The following SPECC1 variants were observed in gnomAD, a reference collection of about 807,000 sequenced individuals.
SPECC1 encodes the protein cytospin-B.
Under a neutral mutation model 104.1 loss-of-function variants are expected in SPECC1, and 62 were observed. The observed-to-expected ratio is 0.60, with a 90% confidence interval of 0.49 to 0.74. The LOEUF is 0.74. Ranked by LOEUF, SPECC1 falls within the 30% of genes least tolerant of loss-of-function variation. The pLI is 0.00. For synonymous variants in SPECC1, 513 were observed against 501.6 expected (o/e 1.02, Z -0.30); for missense variants, 1,306 against 1,310.5 (o/e 1.00, Z 0.05).
At chr17:20,032,070 C>G (rs966362238) in intron 1 of SPECC1, among the ~76,000 whole-genome samples, 1 of 152,096 alleles carries the variant, frequency 6.6e-6, no homozygotes, top group Admixed American at 6.5e-5. Flanking sequence ...TTGAGCACTT[C>G]AAATATGTTA....
intron 3 of SPECC1, among the ~76,000 whole-genome samples, chr17:20,153,219 A>G (rs1437950974): frequency 1.3e-5 from 2 of 152,236 alleles, no homozygotes; most frequent in African/African-American, 2.4e-5. Flanking sequence ...GAGGCCTGAA[A>G]CAATAGGGTG....
chr17:20,277,317 ACT>A (rs1232129683), intron 12 of SPECC1, among the ~76,000 whole-genome samples: 3 of 152,038 alleles, frequency 2.0e-5, no homozygotes, highest in Non-Finnish European at 4.4e-5. Context: ...ATAACTGGAA[ACT>A]CTCCAACCTA....
Position 20,247,390 on chromosome 17 carries a change from A to C in SPECC1, c.2598+71A>C, listed in dbSNP as rs1598080277. 3 of 1,095,100 alleles carry C rather than the reference A, an allele frequency of 2.7e-6. No homozygotes were observed. In the East Asian group the frequency reaches 7.3e-5, roughly 26 times the overall value. The allele number at this position is 1,095,100 out of a possible 1,614,324, so 67.8% of individuals were successfully genotyped here. ...TCCCTCTAGATGTTTTTCTTTACAC[A>C]TATTAGTGTCCGTGTGTGTATGTGT... On this transcript the variant is annotated intron_variant, in intron 9 of 14. Transcript: ENST00000395527.
chr17:20,134,663 C>T (rs2049832812), intron 3 of SPECC1, among the ~76,000 whole-genome samples: 1 of 152,146 alleles, frequency 6.6e-6, no homozygotes, highest in African/African-American at 2.4e-5. Flanking sequence ...GTTGCCCAGG[C>T]TAGTCTCCAA....
At chr17:20,304,705 A>G (rs2041705938) in intron 13 of SPECC1, among the ~76,000 whole-genome samples, 1 of 152,076 alleles carries the variant, frequency 6.6e-6, no homozygotes, top group Admixed American at 6.5e-5. Flanking sequence ...AAAATCCAAA[A>G]ATCAGTGAGG....
At chr17:20,070,712 A>C (rs1167891219) in intron 1 of SPECC1, among the ~76,000 whole-genome samples, 1 of 152,112 alleles carries the variant, frequency 6.6e-6, no homozygotes, top group Non-Finnish European at 1.5e-5. Context: ...CTTTGTATTC[A>C]TTCATGATTA....
intron 5 of SPECC1, among the ~76,000 whole-genome samples, chr17:20,231,074 C>T (rs1309962854): frequency 6.6e-6 from 1 of 152,164 alleles, no homozygotes; most frequent in African/African-American, 2.4e-5. Flanking sequence ...ATTTGAATGA[C>T]TCTGATAGCC....
intron 13 of SPECC1, among the ~76,000 whole-genome samples, chr17:20,297,584 T>G (rs1275740846): frequency 6.6e-6 from 1 of 152,228 alleles, no homozygotes; most frequent in Non-Finnish European, 1.5e-5. Context: ...GGCCACGTAA[T>G]AGACTCAGTG....
chr17:20,072,792 A>G (rs2046608160), intron 1 of SPECC1, among the ~76,000 whole-genome samples: 1 of 152,208 alleles, frequency 6.6e-6, no homozygotes, highest in African/African-American at 2.4e-5. Flanking sequence ...GTAAAATAGC[A>G]ATTAAAATGC....
chr17:20,019,977 AT>A (rs1321007258), intron 1 of SPECC1, among the ~76,000 whole-genome samples: 1 of 152,212 alleles, frequency 6.6e-6, no homozygotes, highest in East Asian at 1.9e-4. Flanking sequence ...AGTCATAGTT[AT>A]ATACCCCATG....
In SPECC1 at chr17:20,157,568, A is replaced by G. The variant is rs555177397; in HGVS notation, c.284-46765A>G. On this transcript the variant is annotated intron_variant, in intron 3 of 14. Coordinates refer to ENST00000395527, the MANE Select transcript of SPECC1 (RefSeq NM_001243439.2). ...TTTAAAAACACTTCTCATTAGTTAC[A>G]TGCTTGTCCAGGTATTGTGAAAACC... is the stretch of plus-strand genomic sequence containing the variant. 3.8e-4 allele frequency among the ~76,000 whole-genome samples: 58 copies of G among 152,286 alleles called. 2 individuals carry two copies. In the South Asian group the frequency reaches 0.012, roughly 31 times the overall value.
At position 20,260,154 on chromosome 17, in the gene SPECC1, G is replaced by A. The variant is rs201985718; in HGVS notation, c.2838-38G>A. On this transcript the variant is annotated intron_variant, in intron 11 of 14. Coordinates refer to ENST00000395527, the MANE Select transcript of SPECC1 (RefSeq NM_001243439.2). ...GTGTATTTGAGAATTCTAAGTATTA[G>A]CATCTTCTCCTTACCATGTGCTCTT... is the stretch of plus-strand genomic sequence containing the variant. 8.5e-6 allele frequency: 13 copies of A among 1,520,764 alleles called. No individual in the cohort carries two copies. In the Admixed American group the frequency reaches 2.1e-4, roughly 25 times the overall value. 94.2% of individuals were successfully genotyped at this position (1,520,764 alleles called of 1,614,324 possible). A position where few individuals can be genotyped will look rare whatever the true frequency, so the allele number is the denominator to read the frequency against.
chr17:20,222,835 G>A (rs1019404704), intron 4 of SPECC1, among the ~76,000 whole-genome samples: 2 of 152,112 alleles, frequency 1.3e-5, no homozygotes, highest in Non-Finnish European at 2.9e-5. Context: ...GTCTGGGAAA[G>A]TCTCTATTTC....
At chr17:20,033,932 C>G (rs2152445224) in intron 1 of SPECC1, among the ~76,000 whole-genome samples, 1 of 152,274 alleles carries the variant, frequency 6.6e-6, no homozygotes, top group East Asian at 1.9e-4. Context: ...ATTGATAGGG[C>G]TCTCTTCCTA....
intron 4 of SPECC1, among the ~76,000 whole-genome samples, chr17:20,210,285 C>G (rs2037049798): frequency 6.6e-6 from 1 of 152,234 alleles, no homozygotes; most frequent in Admixed American, 6.5e-5. Context: ...GCCCTCCTGT[C>G]AGCGGCTTGA....
intron 1 of SPECC1, among the ~76,000 whole-genome samples, chr17:20,012,910 T>G (rs2043991353): frequency 6.6e-6 from 1 of 152,186 alleles, no homozygotes. Flanking sequence ...ATTTGCCTAT[T>G]TTAGGTACCT....
At chr17:20,158,651 T>C (rs2032832446) in intron 3 of SPECC1, among the ~76,000 whole-genome samples, 1 of 152,250 alleles carries the variant, frequency 6.6e-6, no homozygotes, top group South Asian at 2.1e-4. Context: ...TGGAAGAACG[T>C]GCCTTCAGCT....
intron 3 of SPECC1, among the ~76,000 whole-genome samples, chr17:20,144,363 T>C (rs1050103889): frequency 2.0e-5 from 3 of 151,350 alleles, no homozygotes; most frequent in African/African-American, 7.3e-5. Context: ...GCTAATTTTT[T>C]TACTTTTTGT....
chr17:20,049,544 T>C (rs1379201283), intron 1 of SPECC1, among the ~76,000 whole-genome samples: 2 of 152,164 alleles, frequency 1.3e-5, no homozygotes, highest in Non-Finnish European at 2.9e-5. Flanking sequence ...TTTTGTTGGG[T>C]TTATATAGGT....
Sources: gnomAD v4.1 joint callset for allele counts (sites outside exome capture counted in the v4.1 genomes callset) on GRCh38, gnomAD v4.1.1 for gene constraint, MANE v1.5 for transcripts, NCBI Gene and HGNC (gene_info 2026-07-23, HGNC 2026-07-21) for gene names.